Variants in ZNF845 observed in about 807,000 individuals in gnomAD.
The protein encoded by ZNF845 is zinc finger protein 845.
ZNF845 carries 59 observed loss-of-function variants against 76.1 expected under a neutral mutation model. The ratio of observed to expected loss-of-function variants is 0.78; its 90% CI spans 0.63 to 0.96. The LOEUF (loss-of-function observed/expected upper bound fraction) is 0.96, where lower values mean the gene tolerates loss of function less well. Ranked by LOEUF, ZNF845 falls within the 40% of genes least tolerant of loss-of-function variation. The pLI, the probability that ZNF845 is intolerant of heterozygous loss-of-function variation, is 0.00. For synonymous variants in ZNF845, 361 were observed against 386.9 expected (o/e 0.93, Z 0.78); for missense variants, 1,045 against 1,172.8 (o/e 0.89, Z 1.59).
chr19:53,341,125 G>A, intron 1 of ZNF845, 110 bp from the exon 2 acceptor site: 1 of 1,029,198 alleles, frequency 9.7e-7, no homozygotes, highest in Non-Finnish European at 1.4e-6. Context: ...ACAGTGGGCA[G>A]CAGAGGGGAC....
chr19:53,337,315 C>CA lies in ZNF845; in HGVS notation c.-74+3524dup, dbSNP rs371225286. Among the ~76,000 whole-genome samples, 255 of 151,996 alleles carry CA rather than the reference C, an allele frequency of 1.7e-3. 2 individuals are homozygous for CA. Among genetic ancestry groups the CA allele is most frequent in the African/African-American group, 6.0e-3 (248 of 41,508 alleles). On this transcript the variant is annotated intron_variant, in intron 1 of 3. Coordinates refer to ENST00000458035, the MANE Select transcript of ZNF845 (RefSeq NM_138374.3). ...CCCATCTGAAGTTCCCTCTGCCCGT[C>CA]AGTCTCTATCACGTTACTCAGATTT... is the stretch of plus-strand genomic sequence containing the variant.
chr19:53,346,276 A>G (rs1322192200), intron 3 of ZNF845: 8 of 321,810 alleles, frequency 2.5e-5, no homozygotes, highest in Non-Finnish European at 5.1e-5. Context: ...TTGTGTAGAC[A>G]TGCTTTGACT....
intron 1 of ZNF845, among the ~76,000 whole-genome samples, chr19:53,334,745 CAAAAAA>C (rs376494549): frequency 1.4e-5 from 2 of 141,290 alleles, no homozygotes; most frequent in African/African-American, 5.2e-5. Flanking sequence ...CCATCTCTGT[CAAAAAA>C]AAAAAAAATT....
Position 53,354,424 on chromosome 19 carries a change from A to T in ZNF845, c.*836A>T. 1 of 242,552 alleles carries T rather than the reference A, an allele frequency of 4.1e-6. No homozygotes were observed. The highest frequency in any genetic ancestry group is 4.5e-5 in the South Asian group (1 of 22,098). The allele number at this position is 242,552 out of a possible 1,614,324, so 15.0% of individuals were successfully genotyped here. A position where few individuals can be genotyped will look rare whatever the true frequency, so the allele number is the denominator to read the frequency against. ...GGTGGCTCACGCCTGTAATCCCAGC[A>T]CTTTGGGAGGCCAAGACCAATAGAT... On this transcript the variant is annotated 3_prime_UTR_variant, in exon 4 of 4. Transcript: ENST00000458035.
At position 53,352,701 on chromosome 19, in the gene ZNF845, T is replaced by G; in HGVS notation, c.2026T>G (p.Ser676Ala). Residue 676 changes from serine (S) to alanine (A), a missense_variant, in exon 4 of 4, where the codon TCA (serine) becomes GCA (alanine). Physicochemically the swap from Ser to Ala is moderately conservative, Grantham distance 99 (BLOSUM62 1). Transcript: ENST00000458035. ...NECGKTFSRK[S>A]YLTCHRRLHT... The stretch of plus-strand genomic sequence containing the variant: ...ATGTGGCAAGACCTTTAGTCGGAAG[T>G]CATACCTTACATGCCATCGTAGACT... The G allele has an allele frequency of 3.1e-6, 5 of 1,613,868 alleles. No homozygotes were observed. Among genetic ancestry groups the G allele is most frequent in the Non-Finnish European group, 4.2e-6 (5 of 1,179,906 alleles).
At chr19:53,349,230 A>G (rs1431407987) in intron 3 of ZNF845, among the ~76,000 whole-genome samples, 1 of 151,946 alleles carries the variant, frequency 6.6e-6, no homozygotes, top group Non-Finnish European at 1.5e-5. Flanking sequence ...TGATCTTAAC[A>G]TGTATTTCAG....
chr19:53,346,997 C>T (rs531365977), intron 3 of ZNF845, among the ~76,000 whole-genome samples: 2 of 152,208 alleles, frequency 1.3e-5, no homozygotes, highest in African/African-American at 4.8e-5. Context: ...GATTCTCCTG[C>T]CTCAGTTTTC....
chr19:53,337,964 G>A (rs565510273), intron 1 of ZNF845, among the ~76,000 whole-genome samples: 7 of 152,212 alleles, frequency 4.6e-5, no homozygotes, highest in Admixed American at 3.9e-4. Flanking sequence ...GCCTACCCGT[G>A]TGCTGGGATT....
intron 2 of ZNF845, among the ~76,000 whole-genome samples, chr19:53,343,471 C>T (rs1178671647): frequency 6.6e-6 from 1 of 152,138 alleles, no homozygotes; most frequent in Non-Finnish European, 1.5e-5. Context: ...GGGGCATTCC[C>T]TGTTTTCTTA....
chr19:53,344,213 A>G (rs11880996), intron 2 of ZNF845, among the ~76,000 whole-genome samples: 1 of 151,974 alleles, frequency 6.6e-6, no homozygotes, highest in Non-Finnish European at 1.5e-5. Flanking sequence ...ACCCTGTCTC[A>G]TCTAGATACT....
chr19:53,346,395 A>C (rs1198253440), intron 3 of ZNF845: 4 of 426,634 alleles, frequency 9.4e-6, no homozygotes, highest in East Asian at 8.9e-5. Context: ...GTGCTCAAAA[A>C]ATTCTCGTGC....
rs967417538 is a variant in ZNF845 at position 53,345,379 on chromosome 19, C to A, written c.16-127C>A. 36 of 1,561,848 alleles carry A rather than the reference C, an allele frequency of 2.3e-5. No homozygotes were observed. The African/African-American group carries it at 3.7e-4, about 16-fold the overall frequency. On this transcript the variant is annotated intron_variant, in intron 2 of 3. Transcript: ENST00000458035. ...CAGAAGACAAAATGTGGTGAAGAAT[C>A]CCTTACTCGGATTTGTCAGAACATT...
chr19:53,335,750 G>A (rs2085208992), intron 1 of ZNF845, among the ~76,000 whole-genome samples: 1 of 152,162 alleles, frequency 6.6e-6, no homozygotes, highest in Non-Finnish European at 1.5e-5. Context: ...TTACAGGCAT[G>A]AGCCACTGCA....
At chr19:53,341,189 G>A (rs2085253997) in intron 1 of ZNF845, 46 bp from the exon 2 acceptor site, 1 of 1,442,060 alleles carries the variant, frequency 6.9e-7, no homozygotes, top group Non-Finnish European at 9.6e-7. Context: ...TTAACGGAGG[G>A]GGTGTGTTGA....
Position 53,350,938 on chromosome 19 carries a change from A to G in ZNF845, c.263A>G (p.Gln88Arg). 6.2e-7 allele frequency: 1 copy of G among 1,614,208 alleles called. No homozygotes were observed. Among genetic ancestry groups the G allele is most frequent in the Non-Finnish European group, 8.5e-7 (1 of 1,180,032 alleles). ...ERHHIGDFCFQEMEKDIHDFE... is the reference protein window; with the variant it reads ...ERHHIGDFCFREMEKDIHDFE... ...CATCACATTGGAGATTTTTGCTTCC[A>G]GGAAATGGAGAAAGATATTCATGAT... The change falls in exon 4 of 4, where the codon CAG (glutamine) becomes CGG (arginine). Residue 88 changes from glutamine (Q) to arginine (R), a missense_variant. Coordinates refer to ENST00000458035, the MANE Select transcript of ZNF845 (RefSeq NM_138374.3).
At position 53,351,980 on chromosome 19, in the gene ZNF845, A is replaced by G. The variant is rs1272011669; in HGVS notation, c.1305A>G (p.Gly435=). ...TATACCATCGTAGACTTCATACTGG[A>G]GAGAAACCTTACAAATGTGAAGAAT... is the stretch of plus-strand genomic sequence containing the variant. ...SLVYHRRLHT[G]EKPYKCEECD... The change falls in exon 4 of 4, where the codon GGA becomes GGG. Residue 435 remains glycine (G), a synonymous_variant. Transcript: ENST00000458035. 1.2e-6 allele frequency: 2 copies of G among 1,613,958 alleles called. No homozygotes were observed. Among genetic ancestry groups the G allele is most frequent in the Non-Finnish European group, 1.7e-6 (2 of 1,180,004 alleles).
rs1017410855 is a variant in ZNF845, at chr19:53,352,222, T to C, written c.1547T>C (p.Ile516Thr). The change falls in exon 4 of 4, where the codon ATT becomes ACT. Residue 516 changes from isoleucine (I) to threonine (T), a missense_variant. By Grantham distance (89) the Ile-to-Thr change is moderately conservative. Transcript: ENST00000458035. ...TCAAACCTTGAAAGACATAGGATAA[T>C]TCATACTGGAGAGAAACTTTACAAG... ...FKSNLERHRI[I>T]HTGEKLYKCN... is the part of the protein sequence containing the mutation. 6.2e-7 allele frequency: 1 copy of C among 1,613,678 alleles called. No individual in the cohort carries two copies. Among genetic ancestry groups the C allele is most frequent in the Non-Finnish European group, 8.5e-7 (1 of 1,179,858 alleles).
At chr19:53,335,964 G>A (rs1248289995) in intron 1 of ZNF845, among the ~76,000 whole-genome samples, 2 of 152,038 alleles carry the variant, frequency 1.3e-5, no homozygotes, top group Non-Finnish European at 2.9e-5. Context: ...CAGCACTTTG[G>A]GAGGCGGAGG....
rs574671621 is a variant in ZNF845, at chr19:53,352,742, A to T, written c.2067A>T (p.Lys689Asn). The change falls in exon 4 of 4, where the codon AAA becomes AAT. Residue 689 changes from lysine to asparagine, a missense_variant. Lys to Asn is a moderately conservative substitution (Grantham distance 94). Transcript: ENST00000458035. ...TCHRRLHTGE[K>N]PYKCNECGKT... ...ATCGTAGACTTCATACTGGAGAGAA[A>T]CCTTACAAGTGTAATGAGTGTGGCA... 6.2e-7 allele frequency: 1 copy of T among 1,614,134 alleles called. No homozygotes were observed. The highest frequency in any genetic ancestry group is 1.3e-5 in the African/African-American group (1 of 75,034).
Sources: allele counts gnomAD v4.1 joint callset (sites outside exome capture counted in the v4.1 genomes callset), GRCh38; gene constraint gnomAD v4.1.1; transcripts MANE v1.5; gene names NCBI Gene and HGNC (gene_info 2026-07-23, HGNC 2026-07-21).